Variants in CEP164 observed in about 807,000 individuals in gnomAD.
CEP164 encodes the protein centrosomal protein 164.
A neutral mutation model predicts 182.7 loss-of-function variants in CEP164; 162 were observed. The ratio of observed to expected loss-of-function variants is 0.89; its 90% CI spans 0.78 to 1.01. The LOEUF (loss-of-function observed/expected upper bound fraction) is 1.01. Among genes scored for constraint, CEP164 ranks in the 50% least tolerant of loss-of-function variants. The pLI is 0.00. For synonymous variants in CEP164, 661 were observed against 690.0 expected (o/e 0.96, Z 0.66); for missense variants, 1,735 against 1,790.4 (o/e 0.97, Z 0.56).
chr11:117,412,067 GCCAGACCTCTCTTCTCGTC>G lies in CEP164; in HGVS notation c.4287-4_4301del, dbSNP rs752797082. The G allele has an allele frequency of 6.2e-7, 1 of 1,614,066 alleles. No individual in the cohort carries two copies. The highest frequency in any genetic ancestry group is 8.5e-7 in the Non-Finnish European group (1 of 1,179,960). On this transcript the variant is annotated splice_acceptor_variant and splice_polypyrimidine_tract_variant and coding_sequence_variant and intron_variant, in exon 33 of 33. Transcript: ENST00000278935. LOFTEE classifies it high-confidence loss of function. ...GACTGCAGTTTTCCTTCACCTTGTG[GCCAGACCTCTCTTCTCGTC>G]AACACCCAAGCCAAAAGCTACTTTG...
At chr11:117,398,988 T>A (rs1357815271) in intron 27 of CEP164, among the ~76,000 whole-genome samples, 2 of 152,218 alleles carry the variant, frequency 1.3e-5, no homozygotes, top group East Asian at 3.9e-4. Flanking sequence ...TTTCTTTCTT[T>A]TTATTTTTTA....
At position 117,409,179 on chromosome 11, in the gene CEP164, G is replaced by T; in HGVS notation, c.3748+151G>T. On this transcript the variant is annotated intron_variant, in intron 29 of 32. Coordinates refer to ENST00000278935, the MANE Select transcript of CEP164 (RefSeq NM_014956.5). The surrounding 1 kb of genome is among the most constrained non-coding windows in gnomAD (Gnocchi z 4.4). ...TAGGTGCTCGGTCAGTGCTGGGAAG[G>T]AATCACACCATCTAGGTTTGCCAGC... is the stretch of plus-strand genomic sequence containing the variant. 9.6e-7 allele frequency: 1 copy of T among 1,039,676 alleles called. No homozygotes were observed. The highest frequency in any genetic ancestry group is 1.4e-6 in the Non-Finnish European group (1 of 724,526). 64.4% of individuals were successfully genotyped at this position (1,039,676 alleles called of 1,614,324 possible).
At chr11:117,407,205 G>T (rs963635769) in intron 27 of CEP164, among the ~76,000 whole-genome samples, 1 of 152,162 alleles carries the variant, frequency 6.6e-6, no homozygotes, top group Non-Finnish European at 1.5e-5. Context: ...GCAAGGGGCT[G>T]GAACAGACAG....
At chr11:117,349,802 G>C (rs2039390733) in intron 4 of CEP164, among the ~76,000 whole-genome samples, 1 of 152,086 alleles carries the variant, frequency 6.6e-6, no homozygotes, top group African/African-American at 2.4e-5. Context: ...AGTGTACAAG[G>C]GTTCTTCTGT....
intron 10 of CEP164, among the ~76,000 whole-genome samples, chr11:117,374,508 G>A (rs1031654373): frequency 1.3e-5 from 2 of 152,048 alleles, no homozygotes; most frequent in African/African-American, 4.8e-5. Flanking sequence ...GATATGAGGG[G>A]GTGCAGAAGA....
chr11:117,359,274 G>A (rs1211611842), intron 5 of CEP164, among the ~76,000 whole-genome samples: 4 of 152,162 alleles, frequency 2.6e-5, no homozygotes, highest in East Asian at 1.9e-4. Context: ...ACCAACCTCC[G>A]TTTGCTCGTA....
chr11:117,364,764 C>T (rs776502189), intron 8 of CEP164, among the ~76,000 whole-genome samples: 3 of 152,222 alleles, frequency 2.0e-5, no homozygotes, highest in Non-Finnish European at 4.4e-5. Flanking sequence ...TCCCGAAGTG[C>T]TGGGATTACA....
intron 26 of CEP164, 60 bp downstream of exon 26, chr11:117,396,671 C>T: frequency 7.6e-7 from 1 of 1,317,304 alleles, no homozygotes; most frequent in East Asian, 2.3e-5. Context: ...TAAGTGAGTA[C>T]CTGCATCATA....
chr11:117,382,769 C>G, intron 13 of CEP164, 27 bp from the exon 14 acceptor site: 1 of 1,611,188 alleles, frequency 6.2e-7, no homozygotes, highest in Non-Finnish European at 8.5e-7. Flanking sequence ...CTGGCTTTAA[C>G]ACAGTTGTTT....
chr11:117,400,713 G>A (rs889266870), intron 27 of CEP164, among the ~76,000 whole-genome samples: 59 of 152,158 alleles, frequency 3.9e-4, no homozygotes, highest in African/African-American at 1.4e-3. Context: ...TCCCTTGTAA[G>A]TTGGATTCCT....
At position 117,396,049 on chromosome 11, in the gene CEP164, C is replaced by T. The variant is rs2045412346; in HGVS notation, c.3090-5C>T. 2 of 1,614,004 alleles carry T rather than the reference C, an allele frequency of 1.2e-6. No individual in the cohort carries two copies. Among genetic ancestry groups the T allele is most frequent in the South Asian group, 2.2e-5 (2 of 91,064 alleles). ...CCTGCCTCTCACTCATCTTTCCTTC[C>T]ACAGCAGCCTGGAGGCTGAAGCTCA... On this transcript the variant is annotated splice_polypyrimidine_tract_variant and splice_region_variant and intron_variant, in intron 24 of 32. Transcript: ENST00000278935.
chr11:117,384,383 G>A (rs754538983), intron 14 of CEP164, among the ~76,000 whole-genome samples: 4 of 152,212 alleles, frequency 2.6e-5, no homozygotes, highest in Non-Finnish European at 4.4e-5. Flanking sequence ...GTGACCTGGA[G>A]GAATTATATG....
chr11:117,411,989 G>T lies in CEP164; in HGVS notation c.4286+72G>T, dbSNP rs897672584. 8 of 1,610,738 alleles carry T rather than the reference G, an allele frequency of 5.0e-6. No homozygotes were observed. The highest frequency in any genetic ancestry group is 6.8e-6 in the Non-Finnish European group (8 of 1,178,172). On this transcript the variant is annotated intron_variant, in intron 32 of 32. Transcript: ENST00000278935. The surrounding 1 kb of genome is among the most constrained non-coding windows in gnomAD (Gnocchi z 4.4). ...TGCTTGTGCCCTGAGGGGCTGAGGA[G>T]GATCCTGTTCAGCCTTTGACCCTTT...
intron 8 of CEP164, among the ~76,000 whole-genome samples, chr11:117,367,598 A>G (rs1592198110): frequency 6.6e-6 from 1 of 152,180 alleles, no homozygotes; most frequent in East Asian, 1.9e-4. Context: ...ATATGTATAC[A>G]TGTGCCATGT....
intron 13 of CEP164, 123 bp from the exon 14 acceptor site, chr11:117,382,673 T>A: frequency 1.7e-6 from 2 of 1,157,014 alleles, no homozygotes; most frequent in Non-Finnish European, 2.4e-6. Flanking sequence ...AGACCCGAGG[T>A]AGGGAAATTG....
chr11:117,411,881 GGAGGTGGCTGGAACGTGTCAAGAAT>G lies in CEP164; in HGVS notation c.4253_4277del (p.Arg1418ThrfsTer17). On this transcript the variant is annotated frameshift_variant, in exon 32 of 33. Transcript: ENST00000278935. LOFTEE classifies it low-confidence loss of function (END_TRUNC). This position sits in a 1 kb window ranked among gnomAD's most constrained non-coding sequence, Gnocchi z 4.4. ...TTTCAGGGCATAATTGAGGCCAACC[GGAGGTGGCTGGAACGTGTCAAGAAT>G]GACCCCAGGTTGTATCCTTTTACCT... 2 of 1,614,126 alleles carry G rather than the reference GGAGGTGGCTGGAACGTGTCAAGAAT, an allele frequency of 1.2e-6. No homozygotes were observed. The highest frequency in any genetic ancestry group is 1.7e-6 in the Non-Finnish European group (2 of 1,180,034).
rs1055666351 is a variant in CEP164 at position 117,394,479 on chromosome 11, C to A, written c.2746C>A (p.Arg916=). ...CAAGCGTCTTGAGGACTTGCGGCGC[C>A]GGCACAGGGAGCAGGTGAGGGGCCT... ...QHKRLEDLRR[R]HREQERKLQD... The change falls in exon 21 of 33, where the codon CGG becomes AGG. Residue 916 remains arginine (R), a synonymous_variant. Transcript: ENST00000278935. This position sits in a 1 kb window ranked among gnomAD's most constrained non-coding sequence, Gnocchi z 4.0. The A allele has an allele frequency of 3.6e-5, 58 of 1,613,884 alleles. No homozygotes were observed. The highest frequency in any genetic ancestry group is 4.9e-5 in the Non-Finnish European group (58 of 1,180,008).
chr11:117,356,066 G>T, intron 5 of CEP164: 1 of 1,101,956 alleles, frequency 9.1e-7, no homozygotes. Context: ...CCTGGATGAG[G>T]TGAACAACTT....
At chr11:117,331,385 A>G (rs556337181) in intron 1 of CEP164, among the ~76,000 whole-genome samples, 11 of 151,528 alleles carry the variant, frequency 7.3e-5, no homozygotes, top group Non-Finnish European at 1.5e-4. Flanking sequence ...TTATCTAACT[A>G]TGGAATTGAA....
Sources: allele counts gnomAD v4.1 joint callset (sites outside exome capture counted in the v4.1 genomes callset), GRCh38; gene constraint gnomAD v4.1.1; non-coding constraint Gnocchi (gnomAD v3.1); transcripts MANE v1.5; gene names NCBI Gene and HGNC (gene_info 2026-07-23, HGNC 2026-07-21).